Variants in LYST observed in about 807,000 individuals in gnomAD.
The protein encoded by LYST is lysosomal trafficking regulator.
LYST carries 192 observed loss-of-function variants against 413.6 expected under a neutral mutation model. The observed-to-expected ratio is 0.46, with a 90% CI of 0.41 to 0.52. LYST has a LOEUF of 0.52. Ranked by LOEUF, LYST falls within the 20% of genes least tolerant of loss-of-function variation. The pLI is 0.00. For missense variants in LYST, 3,815 were observed against 4,499.9 expected, an observed-to-expected ratio of 0.85 and a Z score of 4.35; for synonymous variants, 1,525 against 1,567.3, an observed-to-expected ratio of 0.97 and a Z score of 0.64.
intron 1 of LYST, among the ~76,000 whole-genome samples, chr1:235,843,660 G>A (rs1005653714): frequency 2.0e-5 from 3 of 151,432 alleles, no homozygotes; most frequent in African/African-American, 7.3e-5. Flanking sequence ...GTTTCATAAC[G>A]CTATTTCCAG....
rs779379798 is a variant in LYST at position 235,809,942 on chromosome 1, G to A, written c.876C>T (p.Phe292=). ...TGCAGCAGTCCCCAAAGCCTGCTAG[G>A]AATTCAGTTAGTGTGGGCACTACAC... ...AASVVPTLTE[F]LAGFGDCCSL... Residue 292 remains phenylalanine (F), a synonymous_variant, in exon 5 of 53, where the codon TTC becomes TTT. Transcript: ENST00000389793. The surrounding 1 kb of genome is among the most constrained non-coding windows in gnomAD (Gnocchi z 4.0). 4 of 1,613,950 alleles carry A rather than the reference G, an allele frequency of 2.5e-6. No homozygotes were observed. In the Admixed American group the frequency reaches 6.7e-5, roughly 27 times the overall value.
At position 235,808,868 on chromosome 1, in the gene LYST, T is replaced by C; in HGVS notation, c.1950A>G (p.Leu650=). ...ATAAGTTTCCCTGCAGTGTCTCTTC[T>C]AATTGGGCTAGTTGGTCAGAGTCAA... ...CTVDSDQLAQ[L]EETLQGNLCD... The change falls in exon 5 of 53, where the codon TTA becomes TTG. Residue 650 remains leucine, a synonymous_variant. Transcript: ENST00000389793. 6.2e-7 allele frequency: 1 copy of C among 1,614,034 alleles called. No homozygotes were observed.
At chr1:235,778,698 T>C (rs1232712912) in intron 16 of LYST, among the ~76,000 whole-genome samples, 1 of 151,656 alleles carries the variant, frequency 6.6e-6, no homozygotes, top group Admixed American at 6.6e-5. Context: ...GTGCTTTATT[T>C]ATGACCCACA....
intron 12 of LYST, 132 bp downstream of exon 12, chr1:235,791,567 C>A: frequency 1.3e-6 from 1 of 779,316 alleles, no homozygotes; most frequent in Non-Finnish European, 2.2e-6. Flanking sequence ...GGACCTACCA[C>A]CACTAAGTAA....
intron 1 of LYST, among the ~76,000 whole-genome samples, chr1:235,849,351 T>A (rs751756619): frequency 8.5e-5 from 13 of 152,124 alleles, no homozygotes; most frequent in Non-Finnish European, 1.6e-4. Context: ...AAAATCGGCA[T>A]ACAAGGGTCA....
intron 1 of LYST, among the ~76,000 whole-genome samples, chr1:235,878,363 G>A (rs920584166): frequency 6.6e-6 from 1 of 152,122 alleles, no homozygotes; most frequent in Admixed American, 6.5e-5. Context: ...ATTGAACTCA[G>A]CTTCTCCTGA....
At chr1:235,831,378 G>A (rs1454601715) in intron 2 of LYST, among the ~76,000 whole-genome samples, 2 of 152,134 alleles carry the variant, frequency 1.3e-5, no homozygotes, top group African/African-American at 4.8e-5. Flanking sequence ...TTGCAAAGAG[G>A]AACTGGACTA....
Position 235,730,936 on chromosome 1 carries a change from G to C in LYST, c.8955C>G (p.Val2985=). ...CAAACAGGTAAGAGAGTGGTGGTTT[G>C]ACAACATCTGTTGAGGAGAAAAGTA... The part of the protein sequence containing the change: ...LRDRQKSEDV[V]KPPLSYLFED... Residue 2985 remains valine, a synonymous_variant, in exon 36 of 53, where the codon GTC becomes GTG. Transcript: ENST00000389793. 6.2e-7 allele frequency: 1 copy of C among 1,612,280 alleles called. No individual in the cohort carries two copies. The highest frequency in any genetic ancestry group is 8.5e-7 in the Non-Finnish European group (1 of 1,178,410).
chr1:235,671,956 T>C (rs184418918), intron 50 of LYST, among the ~76,000 whole-genome samples: 128 of 152,282 alleles, frequency 8.4e-4, no homozygotes, highest in Middle Eastern at 3.4e-3. Context: ...GTGTGATAGA[T>C]GTTAGGGTAG....
intron 1 of LYST, among the ~76,000 whole-genome samples, chr1:235,861,708 T>A (rs1279641841): frequency 1.3e-5 from 2 of 152,194 alleles, no homozygotes; most frequent in Non-Finnish European, 2.9e-5. Context: ...TTGCCCAGGC[T>A]GGACTCGAAC....
In LYST at chr1:235,753,096, G is replaced by A; in HGVS notation, c.7408C>T (p.Leu2470=). ...ACTGTATTACATAACACATAGAGTAGACCATTATCCAGCAACATATCTGCT... is the reference window on the plus strand; with the variant it reads ...ACTGTATTACATAACACATAGAGTAAACCATTATCCAGCAACATATCTGCT... ...KVADMLLDNG[L]LYVLCNTVAA... Residue 2470 remains leucine, a synonymous_variant, in exon 26 of 53, where the codon CTA becomes TTA. Coordinates refer to ENST00000389793, the MANE Select transcript of LYST (RefSeq NM_000081.4). 1.2e-6 allele frequency: 2 copies of A among 1,607,238 alleles called. No individual in the cohort carries two copies. The highest frequency in any genetic ancestry group is 1.7e-6 in the Non-Finnish European group (2 of 1,174,188).
intron 18 of LYST, among the ~76,000 whole-genome samples, 170 bp from the exon 19 acceptor site, chr1:235,774,161 A>G (rs995195904): frequency 2.0e-5 from 3 of 152,246 alleles, no homozygotes; most frequent in Admixed American, 6.5e-5. Context: ...CAATTCAGAT[A>G]AGTAGAAAAT....
chr1:235,763,510 G>A (rs1417912972), intron 21 of LYST, among the ~76,000 whole-genome samples: 3 of 152,144 alleles, frequency 2.0e-5, no homozygotes, highest in South Asian at 4.1e-4. Context: ...GAGTATGGTG[G>A]TGTGATCTTT....
chr1:235,816,809 T>C (rs1049932600), intron 3 of LYST, among the ~76,000 whole-genome samples: 6 of 152,108 alleles, frequency 3.9e-5, no homozygotes, highest in Admixed American at 1.3e-4. Flanking sequence ...ATCCTGGACA[T>C]AGGCCCTGGC....
chr1:235,825,706 A>G (rs1675250249), intron 3 of LYST, among the ~76,000 whole-genome samples: 1 of 152,252 alleles, frequency 6.6e-6, no homozygotes, highest in Non-Finnish European at 1.5e-5. Flanking sequence ...AGAGTTTGAT[A>G]TCATGTTCAT....
intron 1 of LYST, among the ~76,000 whole-genome samples, chr1:235,875,870 GA>G (rs567013949): frequency 1.1e-3 from 162 of 152,136 alleles, no homozygotes; most frequent in South Asian, 7.7e-3. Flanking sequence ...AAACTGCATT[GA>G]ATGTACTAAA....
Position 235,777,052 on chromosome 1 carries a change from G to A in LYST, c.5460+11C>T. On this transcript the variant is annotated intron_variant, in intron 17 of 52. Transcript: ENST00000389793. ...TTCTCTTTAGACAAAACTATAAGCA[G>A]TGATTCTTACCCTGGCAAAGAGAAA... The A allele has an allele frequency of 2.5e-6, 4 of 1,611,998 alleles. No individual in the cohort carries two copies. Among genetic ancestry groups the A allele is most frequent in the Middle Eastern group, 1.7e-4 (1 of 6,012 alleles).
At chr1:235,705,681 T>C (rs1043135921) in intron 44 of LYST, among the ~76,000 whole-genome samples, 8 of 152,192 alleles carry the variant, frequency 5.3e-5, no homozygotes, top group African/African-American at 1.9e-4. Flanking sequence ...CCACTGTGCC[T>C]GGCCCAGTGA....
rs1316127734 is a variant in LYST at position 235,661,930 on chromosome 1, A to G, written c.*1010T>C. On this transcript the variant is annotated 3_prime_UTR_variant, in exon 53 of 53. Coordinates refer to ENST00000389793, the MANE Select transcript of LYST (RefSeq NM_000081.4). ...TCTTCCTAGAATTCTCAGATGGTAT[A>G]GGTTAGTAGAAACAGAATGAAATGG... 6.6e-6 allele frequency: 1 copy of G among 152,370 alleles called. No individual in the cohort carries two copies. The highest frequency in any genetic ancestry group is 1.5e-5 in the Non-Finnish European group (1 of 68,042). 9.4% of individuals were successfully genotyped at this position (152,370 alleles called of 1,614,324 possible).
Sources: allele counts gnomAD v4.1 joint callset (sites outside exome capture counted in the v4.1 genomes callset), GRCh38; gene constraint gnomAD v4.1.1; non-coding constraint Gnocchi (gnomAD v3.1); transcripts MANE v1.5; gene names NCBI Gene and HGNC (gene_info 2026-07-23, HGNC 2026-07-21).